Variants in CCSER1 observed in about 807,000 individuals in gnomAD.
The protein encoded by CCSER1 is serine-rich coiled-coil domain-containing protein 1.
In CCSER1, 41 loss-of-function variants were observed where a neutral mutation model predicts 82.0. The ratio of observed to expected loss-of-function variants is 0.50; its 90% CI spans 0.39 to 0.65. CCSER1 has a LOEUF of 0.65. Among genes scored for constraint, CCSER1 ranks in the 30% least tolerant of loss-of-function variants. The pLI, the probability that CCSER1 is intolerant of heterozygous loss-of-function variation, is 0.00. For missense variants in CCSER1, 1,119 were observed against 1,064.2 expected, an observed-to-expected ratio of 1.05 and a Z score of -0.72; for synonymous variants, 414 against 383.9, an observed-to-expected ratio of 1.08 and a Z score of -0.92.
intron 7 of CCSER1, among the ~76,000 whole-genome samples, chr4:90,783,991 CATT>C (rs1264613756): frequency 6.6e-6 from 1 of 152,054 alleles, no homozygotes; most frequent in South Asian, 2.1e-4. Context: ...AAAAAAAACT[CATT>C]AATACAAGAA....
chr4:90,154,236 A>G (rs571778462), intron 1 of CCSER1, among the ~76,000 whole-genome samples: 135 of 152,264 alleles, frequency 8.9e-4, no homozygotes, highest in African/African-American at 3.2e-3. Flanking sequence ...CCATTGATCT[A>G]TATCTCTGTT....
intron 1 of CCSER1, among the ~76,000 whole-genome samples, chr4:90,276,420 C>T (rs1211400645): frequency 6.7e-6 from 1 of 148,706 alleles, no homozygotes; most frequent in East Asian, 2.0e-4. Context: ...GATCTCTGCT[C>T]ACTGCAACCT....
Position 90,953,130 on chromosome 4 carries a change from T to C in CCSER1, c.2172+29683T>C, listed in dbSNP as rs1277210008. On this transcript the variant is annotated intron_variant, in intron 9 of 10. Transcript: ENST00000509176. ...AAATATGAGTTTTGACATCCATGTG[T>C]TATGTTCATATGCAATTTTGTCATC... Among the ~76,000 whole-genome samples, 3 of 152,046 alleles carry C rather than the reference T, an allele frequency of 2.0e-5. No homozygotes were observed. In the East Asian group the frequency reaches 5.8e-4, roughly 29 times the overall value.
In CCSER1 at chr4:91,508,906, C is replaced by T. The variant is rs532167230; in HGVS notation, c.2218-89666C>T. Among the ~76,000 whole-genome samples, 14 of 152,016 alleles carry T rather than the reference C, an allele frequency of 9.2e-5. No individual in the cohort carries two copies. In the South Asian group the frequency reaches 2.5e-3, roughly 27 times the overall value. ...GATTCATAATATTTCCCCTTGATCC[C>T]TTTGATCAATTTTATTTCTGTAAGA... On this transcript the variant is annotated intron_variant, in intron 10 of 10. Coordinates refer to ENST00000509176, the MANE Select transcript of CCSER1 (RefSeq NM_001145065.2).
chr4:91,533,293 C>T (rs549955274), intron 10 of CCSER1, among the ~76,000 whole-genome samples: 350 of 152,158 alleles, frequency 2.3e-3, no homozygotes, highest in African/African-American at 7.8e-3. Flanking sequence ...AAATGTCTTC[C>T]GACCTTACAG....
chr4:90,641,580 C>G (rs1449996588), intron 6 of CCSER1, among the ~76,000 whole-genome samples: 1 of 152,066 alleles, frequency 6.6e-6, no homozygotes, highest in Admixed American at 6.6e-5. Context: ...TCCCCACAAC[C>G]CTTTTTCTTG....
intron 10 of CCSER1, among the ~76,000 whole-genome samples, chr4:91,141,013 G>T (rs925983992): frequency 6.6e-6 from 1 of 151,996 alleles, no homozygotes; most frequent in Non-Finnish European, 1.5e-5. Context: ...CATGTTTATG[G>T]TCATGTATGT....
intron 10 of CCSER1, among the ~76,000 whole-genome samples, chr4:91,088,698 T>A (rs1022059491): frequency 6.6e-6 from 1 of 152,080 alleles, no homozygotes; most frequent in African/African-American, 2.4e-5. Context: ...AATAAAAAGC[T>A]TGTTTAAAAA....
intron 8 of CCSER1, among the ~76,000 whole-genome samples, chr4:90,882,652 G>A (rs1721511333): frequency 6.6e-6 from 1 of 151,904 alleles, no homozygotes; most frequent in African/African-American, 2.4e-5. Flanking sequence ...AATCATTAAA[G>A]AATAATGAGT....
chr4:91,030,295 G>A (rs1209538868), intron 9 of CCSER1, among the ~76,000 whole-genome samples: 2 of 152,022 alleles, frequency 1.3e-5, no homozygotes, highest in African/African-American at 4.8e-5. Context: ...TTGTCCAAAT[G>A]AACACTGGCG....
chr4:90,614,354 A>T (rs888612168), intron 5 of CCSER1, among the ~76,000 whole-genome samples: 1 of 152,158 alleles, frequency 6.6e-6, no homozygotes, highest in African/African-American at 2.4e-5. Context: ...GTAGATGTTC[A>T]AGTGAAGAGT....
At chr4:91,222,046 G>C (rs1246238249) in intron 10 of CCSER1, among the ~76,000 whole-genome samples, 1 of 151,474 alleles carries the variant, frequency 6.6e-6, no homozygotes, top group Non-Finnish European at 1.5e-5. Flanking sequence ...TTGTTACAAA[G>C]AAAAGGAGGA....
At chr4:90,405,992 T>C (rs988843841) in intron 4 of CCSER1, among the ~76,000 whole-genome samples, 12 of 151,988 alleles carry the variant, frequency 7.9e-5, no homozygotes, top group African/African-American at 2.4e-4. Context: ...GCATGATGAA[T>C]AGAATAGTAC....
intron 9 of CCSER1, among the ~76,000 whole-genome samples, chr4:90,948,091 T>G (rs2150346823): frequency 6.6e-6 from 1 of 152,150 alleles, no homozygotes; most frequent in East Asian, 1.9e-4. Context: ...TTTCTGCCCT[T>G]TTTTCAGTGT....
At chr4:90,255,698 A>C (rs542394947) in intron 1 of CCSER1, among the ~76,000 whole-genome samples, 1 of 152,322 alleles carries the variant, frequency 6.6e-6, no homozygotes, top group African/African-American at 2.4e-5. Flanking sequence ...TATTACATAG[A>C]AATTATAGTT....
At chr4:90,860,212 A>G (rs1561262416) in intron 8 of CCSER1, among the ~76,000 whole-genome samples, 1 of 151,662 alleles carries the variant, frequency 6.6e-6, no homozygotes. Context: ...GACATTTCTC[A>G]CTGTAAGATA....
intron 10 of CCSER1, among the ~76,000 whole-genome samples, chr4:91,357,519 C>A (rs186317347): frequency 6.6e-6 from 1 of 152,038 alleles, no homozygotes; most frequent in Non-Finnish European, 1.5e-5. Flanking sequence ...CATTTTAAAG[C>A]TTGCTTAAAC....
At chr4:91,588,285 T>C (rs1475233285) in intron 10 of CCSER1, among the ~76,000 whole-genome samples, 1 of 151,562 alleles carries the variant, frequency 6.6e-6, no homozygotes, top group Non-Finnish European at 1.5e-5. Context: ...TTTTTCACTC[T>C]ATAGTAAGTG....
chr4:91,102,582 C>T (rs981116349), intron 10 of CCSER1, among the ~76,000 whole-genome samples: 1 of 152,106 alleles, frequency 6.6e-6, no homozygotes, highest in African/African-American at 2.4e-5. Flanking sequence ...TTATAAGGCA[C>T]ATAAGTTATT....
Sources: allele counts gnomAD v4.1 joint callset (sites outside exome capture counted in the v4.1 genomes callset), GRCh38; gene constraint gnomAD v4.1.1; transcripts MANE v1.5; gene names NCBI Gene and HGNC (gene_info 2026-07-23, HGNC 2026-07-21).